The following PLGRKT variants were observed in gnomAD, a reference collection of about 807,000 sequenced individuals.
PLGRKT encodes plasminogen receptor with a C-terminal lysine.
PLGRKT carries 22 observed loss-of-function variants against 18.5 expected under a neutral mutation model. The ratio of observed to expected loss-of-function variants is 1.19; its 90% CI spans 0.85 to 1.70. The LOEUF (loss-of-function observed/expected upper bound fraction) is 1.70. PLGRKT is among the 40% of genes most tolerant of loss of function. PLGRKT has a pLI of 0.00. For synonymous variants in PLGRKT, 72 were observed against 52.8 expected, an observed-to-expected ratio of 1.36 and a Z score of -1.58; for missense variants, 235 against 174.4, an observed-to-expected ratio of 1.35 and a Z score of -1.96.
intron 3 of PLGRKT, among the ~76,000 whole-genome samples, chr9:5,392,987 G>A (rs1817978048): frequency 6.6e-6 from 1 of 151,448 alleles, no homozygotes; most frequent in Non-Finnish European, 1.5e-5. Context: ...GATTACAGGT[G>A]TGTGCCACCA....
intron 3 of PLGRKT, among the ~76,000 whole-genome samples, chr9:5,410,700 A>G (rs1818345963): frequency 6.6e-6 from 1 of 152,204 alleles, no homozygotes; most frequent in South Asian, 2.1e-4. Flanking sequence ...TGTCTGTTGC[A>G]TAGCTCTTGG....
intron 3 of PLGRKT, among the ~76,000 whole-genome samples, chr9:5,409,056 C>A (rs569192826): frequency 1.2e-4 from 19 of 152,300 alleles, no homozygotes; most frequent in Non-Finnish European, 2.1e-4. Flanking sequence ...CAGGCAGAAG[C>A]CTGCTGCAGG....
intron 2 of PLGRKT, 43 bp from the exon 3 acceptor site, chr9:5,432,026 C>T (rs750045369): frequency 1.2e-6 from 1 of 837,716 alleles, no homozygotes; most frequent in Non-Finnish European, 2.1e-6. Flanking sequence ...TAATACACTA[C>T]ATGCATTCTT....
At chr9:5,407,724 T>G (rs1818283379) in intron 3 of PLGRKT, among the ~76,000 whole-genome samples, 1 of 151,860 alleles carries the variant, frequency 6.6e-6, no homozygotes, top group Non-Finnish European at 1.5e-5. Flanking sequence ...ACAGGAGAAG[T>G]GGAGAATTTG....
intron 3 of PLGRKT, among the ~76,000 whole-genome samples, chr9:5,431,448 C>T (rs934357261): frequency 2.0e-5 from 3 of 149,868 alleles, no homozygotes; most frequent in Admixed American, 6.7e-5. Context: ...GCACAAGAAT[C>T]GCTTGAACCC....
intron 3 of PLGRKT, among the ~76,000 whole-genome samples, chr9:5,392,837 TTTTA>T (rs1817974910): frequency 6.6e-6 from 1 of 151,772 alleles, no homozygotes; most frequent in Admixed American, 6.6e-5. Flanking sequence ...CTTTATTTCA[TTTTA>T]TTATTATTAT....
intron 3 of PLGRKT, among the ~76,000 whole-genome samples, chr9:5,380,005 T>C (rs951316013): frequency 6.6e-6 from 1 of 152,218 alleles, no homozygotes; most frequent in African/African-American, 2.4e-5. Flanking sequence ...ACCAATTAAA[T>C]GTCTACCAGT....
intron 3 of PLGRKT, among the ~76,000 whole-genome samples, chr9:5,401,255 A>G (rs991099345): frequency 6.6e-6 from 1 of 151,322 alleles, no homozygotes; most frequent in Non-Finnish European, 1.5e-5. Flanking sequence ...GACATAAAGA[A>G]ATAAGAAAGG....
Position 5,387,758 on chromosome 9 carries a change from T to G in PLGRKT, c.82-25870A>C, listed in dbSNP as rs574791027. On this transcript the variant is annotated intron_variant, in intron 3 of 5. Coordinates refer to ENST00000223864, the MANE Select transcript of PLGRKT (RefSeq NM_018465.4). ...AGAAATCAAGCTGTACTCTTAAGAT[T>G]TGTGCACATCACTATATCTATGTTA... Among the ~76,000 whole-genome samples the G allele has an allele frequency of 2.2e-4, 34 of 151,894 alleles. No homozygotes were observed. In the South Asian group the frequency reaches 7.0e-3, roughly 31 times the overall value.
At chr9:5,435,366 G>A (rs541344648) in intron 2 of PLGRKT, among the ~76,000 whole-genome samples, 53 of 148,802 alleles carry the variant, frequency 3.6e-4, no homozygotes, top group African/African-American at 1.2e-3. Flanking sequence ...CTCAAGGTCA[G>A]TAGACCAGTT....
chr9:5,432,567 G>C (rs1044575286), intron 2 of PLGRKT, among the ~76,000 whole-genome samples: 1 of 141,958 alleles, frequency 7.0e-6, no homozygotes, highest in Non-Finnish European at 1.5e-5. Context: ...CCATGATCTC[G>C]GCTCGCTGCA....
chr9:5,395,462 T>C (rs1216332119), intron 3 of PLGRKT, among the ~76,000 whole-genome samples: 2 of 151,920 alleles, frequency 1.3e-5, no homozygotes, highest in African/African-American at 2.4e-5. Flanking sequence ...GTTCTGACCA[T>C]TGATGTAAAT....
intron 3 of PLGRKT, among the ~76,000 whole-genome samples, chr9:5,390,485 G>A (rs1817929007): frequency 6.6e-6 from 1 of 151,806 alleles, no homozygotes; most frequent in East Asian, 1.9e-4. Context: ...GTCCCCACAG[G>A]GTCCAAGGGC....
At chr9:5,427,668 G>C (rs1434726915) in intron 3 of PLGRKT, among the ~76,000 whole-genome samples, 1 of 152,146 alleles carries the variant, frequency 6.6e-6, no homozygotes, top group Non-Finnish European at 1.5e-5. Context: ...GGGGATCTTG[G>C]ACCATATCCC....
chr9:5,358,234 T>G lies in PLGRKT; in HGVS notation c.*5A>C, dbSNP rs774798713. 6.2e-7 allele frequency: 1 copy of G among 1,606,258 alleles called. No individual in the cohort carries two copies. Among genetic ancestry groups the G allele is most frequent in the East Asian group, 2.2e-5 (1 of 44,812 alleles). On this transcript the variant is annotated 3_prime_UTR_variant, in exon 6 of 6. Coordinates refer to ENST00000223864, the MANE Select transcript of PLGRKT (RefSeq NM_018465.4). The stretch of plus-strand genomic sequence containing the variant: ...TGCTTTGAGATTTGATTGGTAAGCA[T>G]GATTTCATTTGTCTATGAAGAATCT...
chr9:5,381,533 T>C (rs1470707340), intron 3 of PLGRKT, among the ~76,000 whole-genome samples: 1 of 152,242 alleles, frequency 6.6e-6, no homozygotes, highest in African/African-American at 2.4e-5. Context: ...TGTACAGACA[T>C]GCCTGGATGT....
At chr9:5,425,882 A>G (rs919281379) in intron 3 of PLGRKT, among the ~76,000 whole-genome samples, 18 of 152,186 alleles carry the variant, frequency 1.2e-4, no homozygotes, top group African/African-American at 3.6e-4. Flanking sequence ...CTCCAGTAGG[A>G]TAAGATTTTA....
intron 3 of PLGRKT, among the ~76,000 whole-genome samples, chr9:5,370,951 T>C (rs772225395): frequency 3.9e-5 from 6 of 152,078 alleles, no homozygotes; most frequent in Non-Finnish European, 8.8e-5. Context: ...AGAAAAAAAG[T>C]CCCCCTTTAT....
intron 3 of PLGRKT, among the ~76,000 whole-genome samples, chr9:5,423,142 C>A (rs542851368): frequency 6.6e-6 from 1 of 152,294 alleles, no homozygotes; most frequent in Non-Finnish European, 1.5e-5. Context: ...ACAAAACACT[C>A]TAGAATTCTC....
Sources: allele counts gnomAD v4.1 joint callset (sites outside exome capture counted in the v4.1 genomes callset), GRCh38; gene constraint gnomAD v4.1.1; transcripts MANE v1.5; gene names NCBI Gene and HGNC (gene_info 2026-07-23, HGNC 2026-07-21).